The following CEP170 variants were observed in gnomAD, a reference collection of about 807,000 sequenced individuals.
The protein encoded by CEP170 is centrosomal protein of 170 kDa.
In CEP170, 21 loss-of-function variants were observed where a neutral mutation model predicts 151.9. The observed-to-expected ratio is 0.14, with a 90% CI of 0.10 to 0.20. The LOEUF (loss-of-function observed/expected upper bound fraction) is 0.20, where lower values mean the gene tolerates loss of function less well. Ranked by LOEUF, CEP170 falls within the 10% of genes least tolerant of loss-of-function variation. The pLI, the probability that CEP170 is intolerant of heterozygous loss-of-function variation, is 1.00. For missense variants in CEP170, 964 were observed against 1,892.9 expected, an observed-to-expected ratio of 0.51 and a Z score of 9.11; for synonymous variants, 356 against 648.8, an observed-to-expected ratio of 0.55 and a Z score of 6.86.
rs750478424 is a variant in CEP170, at chr1:243,164,888, A to C, written c.3072T>G (p.Asp1024Glu). ...RIRQPSVDLT[D>E]DDQTSSVPHS... The stretch of plus-strand genomic sequence containing the variant: ...GAGGTACACTAGAGGTTTGGTCATC[A>C]TCTGTTAAGTCTACTGAGGGCTGTC... The change falls in exon 13 of 20, where the codon GAT (aspartate) becomes GAG (glutamate). Residue 1024 changes from aspartate (D) to glutamate (E), a missense_variant. Coordinates refer to ENST00000366542, the MANE Select transcript of CEP170 (RefSeq NM_014812.3). 1 of 1,613,838 alleles carries C rather than the reference A, an allele frequency of 6.2e-7. No homozygotes were observed. Among genetic ancestry groups the C allele is most frequent in the East Asian group, 2.2e-5 (1 of 44,882 alleles).
intron 3 of CEP170, among the ~76,000 whole-genome samples, chr1:243,216,915 A>C (rs568985364): frequency 6.6e-6 from 1 of 152,360 alleles, no homozygotes; most frequent in South Asian, 2.1e-4. Context: ...AAGTATTCGG[A>C]GGATACAGTC....
intron 1 of CEP170, among the ~76,000 whole-genome samples, chr1:243,235,379 G>C (rs1009537005): frequency 1.3e-5 from 2 of 152,020 alleles, no homozygotes; most frequent in African/African-American, 4.8e-5. Context: ...TATACTCTTG[G>C]AAAAAATTCA....
intron 1 of CEP170, among the ~76,000 whole-genome samples, chr1:243,233,024 C>T (rs10926974): frequency 0.41 from 62,223 of 152,088 alleles, 14,766 homozygotes; most frequent in East Asian, 0.66. Flanking sequence ...TGAAATTAAT[C>T]ATCTAACCTT....
chr1:243,247,351 T>A (rs977788112), intron 1 of CEP170, among the ~76,000 whole-genome samples: 2 of 152,066 alleles, frequency 1.3e-5, no homozygotes, highest in Admixed American at 1.3e-4. Flanking sequence ...CAAAGCCTGG[T>A]TGTTCTTTTC....
chr1:243,236,896 A>G (rs1572576756), intron 1 of CEP170, among the ~76,000 whole-genome samples: 1 of 152,230 alleles, frequency 6.6e-6, no homozygotes, highest in East Asian at 1.9e-4. Context: ...TTTCTCTGCC[A>G]TGTGTCTGCA....
In CEP170 at chr1:243,199,077, T is replaced by G; in HGVS notation, c.614A>C (p.His205Pro). Reference protein sequence around the residue: ...KTNGKPEEKNHEAGTSGCGID... With the variant: ...KTNGKPEEKNPEAGTSGCGID... ...TTTTTTACCTGATGTTCCAGCTTCA[T>G]GGTTTTTTTCTTCAGGTTTGCCATT... The change falls in exon 7 of 20, where the codon CAT (histidine) becomes CCT (proline). Residue 205 changes from histidine to proline, a missense_variant. Coordinates refer to ENST00000366542, the MANE Select transcript of CEP170 (RefSeq NM_014812.3). 3 of 1,611,584 alleles carry G rather than the reference T, an allele frequency of 1.9e-6. No homozygotes were observed. The highest frequency in any genetic ancestry group is 2.5e-6 in the Non-Finnish European group (3 of 1,178,560).
chr1:243,130,534 G>A (rs2054276746), intron 17 of CEP170, among the ~76,000 whole-genome samples: 2 of 152,190 alleles, frequency 1.3e-5, no homozygotes, highest in Non-Finnish European at 1.5e-5. Context: ...TATCAGACAT[G>A]ATTCAGCAGT....
In CEP170 at chr1:243,221,800, T is replaced by C. The variant is rs185188939; in HGVS notation, c.119A>G (p.Asp40Gly). 27 of 1,611,900 alleles carry C rather than the reference T, an allele frequency of 1.7e-5. No homozygotes were observed. The East Asian group carries it at 5.6e-4, about 33-fold the overall frequency. ...ATAGTTGATGACAGCGTGTTGCTTA[T>C]CCACACTACGAGACTGAAAGGAATG... is the stretch of plus-strand genomic sequence containing the variant. ...CELMLQSRSV[D>G]KQHAVINYDA... Residue 40 changes from aspartate to glycine, a missense_variant, in exon 3 of 20, where the codon GAT (aspartate) becomes GGT (glycine). Asp to Gly is a moderately conservative substitution (Grantham distance 94). Transcript: ENST00000366542.
intron 10 of CEP170, among the ~76,000 whole-genome samples, chr1:243,180,279 C>T (rs964383104): frequency 3.4e-4 from 51 of 152,068 alleles, no homozygotes; most frequent in Non-Finnish European, 1.6e-4. Flanking sequence ...TGAGGACAAA[C>T]CTATTATGTT....
intron 1 of CEP170, among the ~76,000 whole-genome samples, chr1:243,242,320 G>A (rs1158608084): frequency 1.3e-5 from 2 of 152,090 alleles, no homozygotes; most frequent in African/African-American, 2.4e-5. Flanking sequence ...CCGGGTTCAC[G>A]CCATTCTCCT....
At chr1:243,242,776 C>T (rs2064984104) in intron 1 of CEP170, among the ~76,000 whole-genome samples, 1 of 152,134 alleles carries the variant, frequency 6.6e-6, no homozygotes, top group Non-Finnish European at 1.5e-5. Flanking sequence ...TCTCGGCTCA[C>T]TGCAACCTCC....
At chr1:243,229,505 G>A (rs567825349) in intron 1 of CEP170, among the ~76,000 whole-genome samples, 17 of 152,280 alleles carry the variant, frequency 1.1e-4, no homozygotes, top group South Asian at 2.1e-4. Context: ...GAACTCTGGC[G>A]TATGGTAAAA....
intron 14 of CEP170, among the ~76,000 whole-genome samples, chr1:243,146,931 C>T (rs1392037050): frequency 1.4e-5 from 2 of 143,038 alleles, no homozygotes; most frequent in African/African-American, 5.5e-5. Flanking sequence ...TCCCCCCTAA[C>T]CAGTAAAGAC....
At chr1:243,212,783 C>T (rs2061938496) in intron 3 of CEP170, among the ~76,000 whole-genome samples, 1 of 152,080 alleles carries the variant, frequency 6.6e-6, no homozygotes, top group African/African-American at 2.4e-5. Context: ...CCTACCTCAG[C>T]CTCCTGAGTA....
At chr1:243,228,991 T>A (rs1349893017) in intron 1 of CEP170, among the ~76,000 whole-genome samples, 1 of 152,218 alleles carries the variant, frequency 6.6e-6, no homozygotes, top group African/African-American at 2.4e-5. Flanking sequence ...CTCTGCTGAG[T>A]GGGAATGTGA....
Position 243,164,935 on chromosome 1 carries a change from C to A in CEP170, c.3025G>T (p.Val1009Phe), listed in dbSNP as rs775134593. ...VGSRADGRKF[V>F]QSSGRIRQPS... Reference sequence around the variant, plus strand: ...TGTCTTATTCTCCCACTGGACTGAACAAATTTACGACCATCTGCTCTTGAA... The same window carrying A: ...TGTCTTATTCTCCCACTGGACTGAAAAAATTTACGACCATCTGCTCTTGAA... Residue 1009 changes from valine to phenylalanine, a missense_variant, in exon 13 of 20, where the codon GTT becomes TTT. Coordinates refer to ENST00000366542, the MANE Select transcript of CEP170 (RefSeq NM_014812.3). 1.5e-5 allele frequency: 25 copies of A among 1,613,780 alleles called. No individual in the cohort carries two copies. The highest frequency in any genetic ancestry group is 2.1e-5 in the Non-Finnish European group (25 of 1,179,752).
intron 1 of CEP170, among the ~76,000 whole-genome samples, chr1:243,238,128 T>C (rs1287104051): frequency 2.6e-5 from 4 of 152,078 alleles, no homozygotes; most frequent in African/African-American, 9.7e-5. Context: ...AGTTTGATTA[T>C]TTCTGAGAAG....
chr1:243,179,135 A>C (rs1007649958), intron 10 of CEP170, among the ~76,000 whole-genome samples: 6 of 151,998 alleles, frequency 3.9e-5, no homozygotes, highest in African/African-American at 1.4e-4. Context: ...TTACATCCAT[A>C]ATCTCTTCCC....
At chr1:243,144,898 C>T (rs1361005829) in intron 14 of CEP170, among the ~76,000 whole-genome samples, 1 of 151,970 alleles carries the variant, frequency 6.6e-6, no homozygotes, top group Non-Finnish European at 1.5e-5. Flanking sequence ...TTATGTTTTC[C>T]CAAGTGTCAG....
Sources: allele counts gnomAD v4.1 joint callset (sites outside exome capture counted in the v4.1 genomes callset), GRCh38; gene constraint gnomAD v4.1.1; transcripts MANE v1.5; gene names NCBI Gene and HGNC (gene_info 2026-07-23, HGNC 2026-07-21).